NPHP4: variants seen among roughly 807,000 people sequenced by gnomAD.
NPHP4 encodes the protein nephrocystin-4.
NPHP4 carries 151 observed loss-of-function variants against 155.8 expected under a neutral mutation model. The observed-to-expected ratio is 0.97, with a 90% CI of 0.85 to 1.11. The LOEUF (loss-of-function observed/expected upper bound fraction) is 1.11. Among genes scored for constraint, NPHP4 ranks in the 50% least tolerant of loss-of-function variants. The pLI, the probability that NPHP4 is intolerant of heterozygous loss-of-function variation, is 0.00. For missense variants in NPHP4, 1,956 were observed against 1,925.7 expected (o/e 1.02, Z -0.29); for synonymous variants, 845 against 816.8 (o/e 1.03, Z -0.59).
chr1:5,955,401 A>G (rs1011405612), intron 6 of NPHP4, among the ~76,000 whole-genome samples: 1 of 152,268 alleles, frequency 6.6e-6, no homozygotes, highest in African/African-American at 2.4e-5. Flanking sequence ...TCCAAAGGAA[A>G]TGAAATCAGT....
intron 18 of NPHP4, among the ~76,000 whole-genome samples, chr1:5,885,055 AGC>A (rs1397809577): frequency 3.1e-5 from 4 of 127,136 alleles, no homozygotes; most frequent in East Asian, 2.5e-4. Flanking sequence ...CTCCCAGCCG[AGC>A]CCCCGTCCTA....
chr1:5,969,059 C>A, intron 4 of NPHP4, 28 bp downstream of exon 4: 2 of 1,493,336 alleles, frequency 1.3e-6, no homozygotes, highest in South Asian at 2.5e-5. Context: ...GCTGGAAAAC[C>A]CCAGGGTTGT....
At position 5,905,174 on chromosome 1, in the gene NPHP4, C is replaced by A. The variant is rs942998411; in HGVS notation, c.1955+118G>T. 5 of 824,844 alleles carry A rather than the reference C, an allele frequency of 6.1e-6. No homozygotes were observed. Among genetic ancestry groups the A allele is most frequent in the South Asian group, 4.7e-5 (3 of 64,502 alleles). 51.1% of individuals were successfully genotyped at this position (824,844 alleles called of 1,614,324 possible). The stretch of plus-strand genomic sequence containing the variant: ...AGAGAAGATAAAAACAGATGGCACT[C>A]CCGAATCTACTAAGACCTCAGCACA... On this transcript the variant is annotated intron_variant, in intron 15 of 29. Coordinates refer to ENST00000378156, the MANE Select transcript of NPHP4 (RefSeq NM_015102.5). This position sits in a 1 kb window ranked among gnomAD's most constrained non-coding sequence, Gnocchi z 4.0.
At chr1:5,864,183 G>A (rs1419660406) in intron 28 of NPHP4, 150 bp from the exon 29 acceptor site, 4 of 1,142,902 alleles carry the variant, frequency 3.5e-6, no homozygotes, top group Non-Finnish European at 3.8e-6. Flanking sequence ...CCATCCGGGA[G>A]AGACACAGCA....
chr1:5,932,810 A>T (rs1355845390), intron 10 of NPHP4, among the ~76,000 whole-genome samples: 3 of 151,830 alleles, frequency 2.0e-5, no homozygotes, highest in Non-Finnish European at 4.4e-5. Context: ...CCACCAAAAA[A>T]CCTACTGGTA....
chr1:5,911,378 A>G (rs975550333), intron 11 of NPHP4, among the ~76,000 whole-genome samples: 8 of 152,204 alleles, frequency 5.3e-5, no homozygotes, highest in Non-Finnish European at 2.9e-5. Context: ...TGATTTTGAT[A>G]ATGAGGACAA....
intron 6 of NPHP4, among the ~76,000 whole-genome samples, chr1:5,956,458 GA>G (rs796878093): frequency 2.1e-4 from 32 of 152,354 alleles, no homozygotes; most frequent in African/African-American, 6.7e-4. Context: ...CATCTGCAGT[GA>G]GTAGAAACTT....
At chr1:5,870,384 G>A (rs552152681) in intron 23 of NPHP4, among the ~76,000 whole-genome samples, 329 of 152,256 alleles carry the variant, frequency 2.2e-3, no homozygotes, top group African/African-American at 7.2e-3. Flanking sequence ...AAGTAAATAG[G>A]TGAATGGGGT....
At chr1:5,884,148 C>T (rs1643558581) in intron 18 of NPHP4, among the ~76,000 whole-genome samples, 1 of 152,316 alleles carries the variant, frequency 6.6e-6, no homozygotes, top group Middle Eastern at 3.4e-3. Flanking sequence ...GCTTTCTTCA[C>T]CTTCCATGAA....
chr1:5,904,600 T>C lies in NPHP4; in HGVS notation c.2143+17A>G, dbSNP rs1435051082. On this transcript the variant is annotated intron_variant, in intron 16 of 29. Transcript: ENST00000378156. ...AGTACAGAATGTCTTGCCTTTGCCA[T>C]GCACATGAGTACTCACCAGCATCAA... 1.3e-6 allele frequency: 2 copies of C among 1,577,196 alleles called. No individual in the cohort carries two copies. The highest frequency in any genetic ancestry group is 8.7e-7 in the Non-Finnish European group (1 of 1,155,340).
chr1:5,897,526 G>A (rs145951879), intron 16 of NPHP4, among the ~76,000 whole-genome samples: 472 of 152,206 alleles, frequency 3.1e-3, no homozygotes, highest in African/African-American at 0.011. Context: ...CGTCGCTCCC[G>A]GCATTCAAGA....
chr1:5,905,181 C>T lies in NPHP4; in HGVS notation c.1955+111G>A. ...ATAAAAACAGATGGCACTCCCGAAT[C>T]TACTAAGACCTCAGCACAGACAGTT... On this transcript the variant is annotated intron_variant, in intron 15 of 29. Coordinates refer to ENST00000378156, the MANE Select transcript of NPHP4 (RefSeq NM_015102.5). This position sits in a 1 kb window ranked among gnomAD's most constrained non-coding sequence, Gnocchi z 4.0. 2.3e-6 allele frequency: 2 copies of T among 867,308 alleles called. No homozygotes were observed. The highest frequency in any genetic ancestry group is 3.8e-6 in the Non-Finnish European group (2 of 520,342). The allele number at this position is 867,308 out of a possible 1,614,324, so 53.7% of individuals were successfully genotyped here.
At chr1:5,874,177 G>A (rs1642304260) in intron 22 of NPHP4, among the ~76,000 whole-genome samples, 7 of 148,196 alleles carry the variant, frequency 4.7e-5, no homozygotes, top group Admixed American at 4.0e-4. Context: ...GCTAGAAAAC[G>A]TCAATCCATT....
chr1:5,910,349 A>G lies in NPHP4; in HGVS notation c.1442-1136T>C, dbSNP rs1645117589. 6.6e-6 allele frequency among the ~76,000 whole-genome samples: 1 copy of G among 151,948 alleles called. No homozygotes were observed. The highest frequency in any genetic ancestry group is 2.4e-5 in the African/African-American group (1 of 41,372). On this transcript the variant is annotated intron_variant, in intron 11 of 29. Coordinates refer to ENST00000378156, the MANE Select transcript of NPHP4 (RefSeq NM_015102.5). This position sits in a 1 kb window ranked among gnomAD's most constrained non-coding sequence, Gnocchi z 5.4. ...ACTGCAGCAGACACTACCACTCCCCATCGGACTTCCAGGATAACCCAGACC... is the reference window on the plus strand; with the variant it reads ...ACTGCAGCAGACACTACCACTCCCCGTCGGACTTCCAGGATAACCCAGACC...
chr1:5,915,095 A>C (rs1645399965), intron 11 of NPHP4, among the ~76,000 whole-genome samples: 1 of 152,234 alleles, frequency 6.6e-6, no homozygotes, highest in Non-Finnish European at 1.5e-5. Flanking sequence ...CTATGGGGTC[A>C]GCAATTCCGT....
At chr1:5,975,956 A>G (rs1653487578) in intron 3 of NPHP4, among the ~76,000 whole-genome samples, 1 of 152,178 alleles carries the variant, frequency 6.6e-6, no homozygotes, top group Admixed American at 6.5e-5. Context: ...GATCCTTAGG[A>G]AGGTCCGAAG....
At position 5,978,432 on chromosome 1, in the gene NPHP4, T is replaced by C. The variant is rs779238230; in HGVS notation, c.136-19A>G. 9 of 1,593,370 alleles carry C rather than the reference T, an allele frequency of 5.6e-6. No individual in the cohort carries two copies. The East Asian group carries it at 9.1e-5, about 16-fold the overall frequency. On this transcript the variant is annotated intron_variant, in intron 2 of 29. Coordinates refer to ENST00000378156, the MANE Select transcript of NPHP4 (RefSeq NM_015102.5). ...GCACGCCCTAGGAGACAACGGGGAA[T>C]TGACCCTCAAGAGTCTGAGCACCAT...
chr1:5,985,336 TC>T (rs1655313664), intron 2 of NPHP4, among the ~76,000 whole-genome samples: 1 of 152,232 alleles, frequency 6.6e-6, no homozygotes, highest in Non-Finnish European at 1.5e-5. Context: ...CGTGTGGGTG[TC>T]CCGTGGGCAG....
intron 19 of NPHP4, 167 bp from the exon 20 acceptor site, chr1:5,877,465 T>C (rs1642737585): frequency 8.3e-6 from 4 of 479,352 alleles, no homozygotes; most frequent in Non-Finnish European, 1.5e-5. Flanking sequence ...CAGATAAAGA[T>C]GATAACTTTA....
Sources: allele counts gnomAD v4.1 joint callset (sites outside exome capture counted in the v4.1 genomes callset), GRCh38; gene constraint gnomAD v4.1.1; non-coding constraint Gnocchi (gnomAD v3.1); transcripts MANE v1.5; gene names NCBI Gene and HGNC (gene_info 2026-07-23, HGNC 2026-07-21).